Variants in DSG2 observed in about 807,000 individuals in gnomAD.
DSG2 encodes the protein desmoglein 2.
DSG2 carries 45 observed loss-of-function variants against 75.6 expected under a neutral mutation model. The observed-to-expected ratio is 0.60, with a 90% CI of 0.47 to 0.76. The LOEUF is 0.76. Ranked by LOEUF, DSG2 falls within the 30% of genes least tolerant of loss-of-function variation. The probability of loss-of-function intolerance (pLI) is 0.00; values close to 1 mark genes in which losing one functional copy is unlikely to be tolerated. For synonymous variants in DSG2, 429 were observed against 483.9 expected, an observed-to-expected ratio of 0.89 and a Z score of 1.49; for missense variants, 1,267 against 1,357.4, an observed-to-expected ratio of 0.93 and a Z score of 1.05.
chr18:31,539,007 C>A (rs1465981199), intron 12 of DSG2, 29 bp downstream of exon 12: 25 of 1,603,240 alleles, frequency 1.6e-5, no homozygotes, highest in Non-Finnish European at 2.1e-5. Flanking sequence ...CTCTGTTGTG[C>A]TTTTGGGAAT....
chr18:31,524,842 T>C lies in DSG2; in HGVS notation c.968T>C (p.Ile323Thr), dbSNP rs370140174. ...ASGNEGGYFH[I>T]ETDAQTNEGI... is the part of the protein sequence containing the mutation. ...GGAAATGAAGGAGGTTATTTCCACA[T>C]AGAAACAGATGCTCAAACTAACGAA... The change falls in exon 8 of 15, where the codon ATA (isoleucine) becomes ACA (threonine). Residue 323 changes from isoleucine to threonine, a missense_variant. Coordinates refer to ENST00000261590, the MANE Select transcript of DSG2 (RefSeq NM_001943.5). 1 of 1,614,060 alleles carries C rather than the reference T, an allele frequency of 6.2e-7. No individual in the cohort carries two copies. The highest frequency in any genetic ancestry group is 1.3e-5 in the African/African-American group (1 of 74,938).
At chr18:31,534,579 C>T (rs1012064451) in intron 9 of DSG2, among the ~76,000 whole-genome samples, 7 of 143,654 alleles carry the variant, frequency 4.9e-5, no homozygotes, top group Admixed American at 2.2e-4. Flanking sequence ...GGCGCGATCT[C>T]GGCTCACTGC....
At chr18:31,501,245 A>T (rs1386377289) in intron 1 of DSG2, among the ~76,000 whole-genome samples, 1 of 152,236 alleles carries the variant, frequency 6.6e-6, no homozygotes, top group Non-Finnish European at 1.5e-5. Context: ...AGGCCTCGCC[A>T]GATTGCCAAG....
At position 31,546,598 on chromosome 18, in the gene DSG2, C is replaced by G. The variant is rs780211111; in HGVS notation, c.3212C>G (p.Ala1071Gly). 6.2e-7 allele frequency: 1 copy of G among 1,614,194 alleles called. No homozygotes were observed. Among genetic ancestry groups the G allele is most frequent in the South Asian group, 1.1e-5 (1 of 91,084 alleles). Reference sequence around the variant, plus strand: ...ATTCCCACTGAAAATTCTATGACGGCTAGGAACACCACGGTGTCTGGAGCT... The same window carrying G: ...ATTCCCACTGAAAATTCTATGACGGGTAGGAACACCACGGTGTCTGGAGCT... The part of the protein sequence containing the change: ...YQIPTENSMT[A>G]RNTTVSGAGV... The change falls in exon 15 of 15, where the codon GCT becomes GGT. Residue 1071 changes from alanine to glycine, a missense_variant. Ala to Gly is a moderately conservative substitution (Grantham distance 60, BLOSUM62 0). Coordinates refer to ENST00000261590, the MANE Select transcript of DSG2 (RefSeq NM_001943.5).
At chr18:31,535,845 C>A (rs968489479) in intron 10 of DSG2, among the ~76,000 whole-genome samples, 1 of 151,786 alleles carries the variant, frequency 6.6e-6, no homozygotes, top group South Asian at 2.1e-4. Context: ...GCTACTCAGG[C>A]AACTGAGATG....
In DSG2 at chr18:31,546,205, A is replaced by G. The variant is rs1202418991; in HGVS notation, c.2819A>G (p.Tyr940Cys). The G allele has an allele frequency of 1.1e-5, 17 of 1,613,358 alleles. No individual in the cohort carries two copies. In the Admixed American group the frequency reaches 2.8e-4, roughly 27 times the overall value. The change falls in exon 15 of 15, where the codon TAT (tyrosine) becomes TGT (cysteine). Residue 940 changes from tyrosine (Y) to cysteine (C), a missense_variant. Physicochemically the swap from Tyr to Cys is radical, Grantham distance 194. Transcript: ENST00000261590. Reference protein sequence around the residue: ...SRNVIATETSYVTGSTMPPTT... With the variant: ...SRNVIATETSCVTGSTMPPTT... ...AATGTGATAGCAACAGAAACTTCCT[A>G]TGTCACAGGGTCCACTATGCCACCA...
At chr18:31,528,041 C>T (rs1434137576) in intron 8 of DSG2, among the ~76,000 whole-genome samples, 1 of 152,092 alleles carries the variant, frequency 6.6e-6, no homozygotes, top group Admixed American at 6.5e-5. Context: ...AACATTCAGA[C>T]AATAGCAATC....
In DSG2 at chr18:31,531,264, T is replaced by G; in HGVS notation, c.1280+12T>G. 6.2e-7 allele frequency: 1 copy of G among 1,613,784 alleles called. No homozygotes were observed. Among genetic ancestry groups the G allele is most frequent in the South Asian group, 1.1e-5 (1 of 90,994 alleles). ...CCAGCCCATGCAAGGTAAGAGAGAG[T>G]GACACGTGTATTTCTTTATTTTAAA... On this transcript the variant is annotated intron_variant, in intron 9 of 14. Transcript: ENST00000261590.
At chr18:31,531,957 A>C (rs951549235) in intron 9 of DSG2, among the ~76,000 whole-genome samples, 1 of 152,168 alleles carries the variant, frequency 6.6e-6, no homozygotes, top group African/African-American at 2.4e-5. Context: ...GCTGTTATTT[A>C]TGGAGCTCTA....
intron 3 of DSG2, 57 bp downstream of exon 3, chr18:31,519,994 G>A: frequency 6.2e-7 from 1 of 1,603,008 alleles, no homozygotes; most frequent in East Asian, 2.2e-5. Flanking sequence ...TGGTGTGAGA[G>A]GACTTTTATG....
At chr18:31,524,158 A>G (rs1435530673) in intron 6 of DSG2, among the ~76,000 whole-genome samples, 2 of 152,246 alleles carry the variant, frequency 1.3e-5, no homozygotes, top group African/African-American at 2.4e-5. Flanking sequence ...CACTTTCAGT[A>G]GAGAATAAGC....
At chr18:31,516,286 A>G (rs928876592) in intron 1 of DSG2, among the ~76,000 whole-genome samples, 1 of 152,230 alleles carries the variant, frequency 6.6e-6, no homozygotes, top group East Asian at 1.9e-4. Context: ...GAGAACAAAT[A>G]GAGTTGCAAA....
At chr18:31,506,857 G>GT (rs1486595694) in intron 1 of DSG2, among the ~76,000 whole-genome samples, 6 of 152,042 alleles carry the variant, frequency 3.9e-5, no homozygotes, top group Admixed American at 3.9e-4. Flanking sequence ...TTGTATTTTA[G>GT]TTAGTTTGCT....
At chr18:31,518,150 T>C in intron 1 of DSG2, 89 bp from the exon 2 acceptor site, 1 of 1,051,534 alleles carries the variant, frequency 9.5e-7, no homozygotes, top group Admixed American at 1.8e-5. Context: ...ATGTCTATAA[T>C]ATTCAATGCA....
chr18:31,546,088 A>G lies in DSG2; in HGVS notation c.2702A>G (p.Lys901Arg), dbSNP rs886039190. The G allele has an allele frequency of 6.2e-6, 10 of 1,614,072 alleles. No individual in the cohort carries two copies. In the African/African-American group the frequency reaches 1.2e-4, roughly 19 times the overall value. ...TCTTTGCAAGAAGCCAATGCAGAGA[A>G]AGTAACTCAGGAAATAGTCACTGAA... ...PKSLQEANAE[K>R]VTQEIVTERS... Residue 901 changes from lysine (K) to arginine (R), a missense_variant, in exon 15 of 15, where the codon AAA (lysine) becomes AGA (arginine). Coordinates refer to ENST00000261590, the MANE Select transcript of DSG2 (RefSeq NM_001943.5).
intron 6 of DSG2, 107 bp from the exon 7 acceptor site, chr18:31,524,341 T>A (rs957087471): frequency 4.8e-6 from 7 of 1,451,678 alleles, no homozygotes; most frequent in Non-Finnish European, 5.8e-6. Flanking sequence ...TAAAACAGAT[T>A]TGTAAATAAA....
chr18:31,526,459 C>T (rs913204966), intron 8 of DSG2, among the ~76,000 whole-genome samples: 3 of 152,038 alleles, frequency 2.0e-5, no homozygotes, highest in Non-Finnish European at 2.9e-5. Context: ...TTTAAGCTAC[C>T]TTTTTAAAAG....
In DSG2 at chr18:31,521,249, A is replaced by C; in HGVS notation, c.523+6A>C. On this transcript the variant is annotated splice_donor_region_variant and intron_variant, in intron 5 of 14. Transcript: ENST00000261590. ...TGAAGAGTTGAGTGCAGCACGTAAG[A>C]GTCTTTTTTTTTTTTTTTAATAAAT... 1 of 1,592,452 alleles carries C rather than the reference A, an allele frequency of 6.3e-7. No individual in the cohort carries two copies. Among genetic ancestry groups the C allele is most frequent in the Non-Finnish European group, 8.5e-7 (1 of 1,171,328 alleles).
At chr18:31,507,561 C>A (rs1221203650) in intron 1 of DSG2, among the ~76,000 whole-genome samples, 1 of 152,174 alleles carries the variant, frequency 6.6e-6, no homozygotes, top group Non-Finnish European at 1.5e-5. Flanking sequence ...AAAAGCATTC[C>A]TATTTCTCCA....
Sources: allele counts gnomAD v4.1 joint callset (sites outside exome capture counted in the v4.1 genomes callset), GRCh38; gene constraint gnomAD v4.1.1; transcripts MANE v1.5; gene names NCBI Gene and HGNC (gene_info 2026-07-23, HGNC 2026-07-21).